DMD: variants seen among roughly 807,000 people sequenced by gnomAD.
The protein encoded by DMD is dystrophin, also known as mutant dystrophin.
In DMD, 63 loss-of-function variants were observed where a neutral mutation model predicts 330.1. That is an observed-to-expected ratio of 0.19 (90% confidence interval 0.16 to 0.24). The LOEUF (loss-of-function observed/expected upper bound fraction) is 0.24. Among genes scored for constraint, DMD ranks in the 10% least tolerant of loss-of-function variants. DMD has a pLI of 1.00. For synonymous variants in DMD, 1,223 were observed against 959.8 expected, an observed-to-expected ratio of 1.27 and a Z score of -5.07; for missense variants, 3,344 against 2,684.1, an observed-to-expected ratio of 1.25 and a Z score of -5.43.
chrX:31,848,098 A>G (rs189618904), intron 48 of DMD, among the ~76,000 whole-genome samples: 27 of 111,785 alleles, frequency 2.4e-4, no homozygotes, highest in Non-Finnish European at 4.5e-4. Context: ...TCTTTCCAAA[A>G]TTGACGTTTC....
rs749478308 is a variant in DMD, at chrX:33,265,630, T to C, written c.7+73629A>G. Among the ~76,000 whole-genome samples the C allele has an allele frequency of 9.0e-5, 10 of 111,248 alleles. No individual in the cohort carries two copies. In the East Asian group the frequency reaches 2.8e-3, roughly 31 times the overall value. ...CATTCTATGATTCAGTCTTGGCCCA[T>C]GTAAATCTGTGATAGAAAATAAGCT... is the stretch of plus-strand genomic sequence containing the variant. On this transcript the variant is annotated intron_variant, in intron 1 of 17. Transcript: ENST00000288447.
At chrX:32,263,591 G>A (rs1204784616) in intron 43 of DMD, among the ~76,000 whole-genome samples, 1 of 111,933 alleles carries the variant, frequency 8.9e-6, no homozygotes, top group Non-Finnish European at 1.9e-5. Context: ...TTCAATAAAC[G>A]AAATAGCCGT....
At chrX:32,032,065 G>T (rs1207783368) in intron 44 of DMD, among the ~76,000 whole-genome samples, 2 of 111,092 alleles carry the variant, frequency 1.8e-5, no homozygotes, top group African/African-American at 6.5e-5. Flanking sequence ...CATATTTTTG[G>T]GGGGGATTAT....
intron 59 of DMD, among the ~76,000 whole-genome samples, chrX:31,470,093 A>T (rs1228689836): frequency 2.7e-5 from 3 of 110,467 alleles, no homozygotes; most frequent in Non-Finnish European, 5.7e-5. Context: ...TAAGGTTCTT[A>T]GCTTCCTTGC....
intron 15 of DMD, among the ~76,000 whole-genome samples, chrX:32,568,332 ACCT>A (rs1284473390): frequency 1.8e-5 from 2 of 110,649 alleles, no homozygotes; most frequent in Admixed American, 1.9e-4. Context: ...ACATAGTGAA[ACCT>A]CGTCTGTACT....
intron 67 of DMD, among the ~76,000 whole-genome samples, chrX:31,198,896 T>C (rs2043167655): frequency 1.8e-5 from 2 of 112,210 alleles, no homozygotes; most frequent in Admixed American, 9.4e-5. Context: ...TGTGTGCATG[T>C]ATGTGTTTTG....
chrX:32,645,206 C>A, intron 9 of DMD, 54 bp from the exon 10 acceptor site: 1 of 1,132,650 alleles, frequency 8.8e-7, no homozygotes, highest in Non-Finnish European at 1.2e-6. Context: ...GCAGATTGTT[C>A]CAGTACATTA....
intron 62 of DMD, chrX:31,266,696 C>G (rs1017690552): frequency 1.2e-6 from 1 of 802,365 alleles, no homozygotes; most frequent in Middle Eastern, 2.9e-4. Context: ...CCCGGCGCCC[C>G]GGGTCCAGCC....
Position 32,412,139 on chromosome X carries a change from A to G in DMD, c.4072-226T>C. ...TATAGGATCAGGGATCTCTGCATGA[A>G]AATCAATCACAATATCACGTACATT... On this transcript the variant is annotated intron_variant, in intron 29 of 78. Coordinates refer to ENST00000357033, the MANE Select transcript of DMD (RefSeq NM_004006.3). The G allele has an allele frequency of 4.4e-6, 5 of 1,149,086 alleles. No individual in the cohort carries two copies. In the South Asian group the frequency reaches 5.6e-5, roughly 13 times the overall value. The allele number at this position is 1,149,086 out of a possible 1,213,427, so 94.7% of individuals were successfully genotyped here.
chrX:32,470,544 T>C (rs553634865), intron 22 of DMD, among the ~76,000 whole-genome samples: 1 of 111,513 alleles, frequency 9.0e-6, no homozygotes, highest in African/African-American at 3.2e-5. Context: ...TAGTCTCTTC[T>C]GCTCATCTAA....
intron 52 of DMD, among the ~76,000 whole-genome samples, chrX:31,721,718 C>CTCTCTATA (rs1227959078): frequency 5.5e-4 from 31 of 56,471 alleles, no homozygotes; most frequent in African/African-American, 7.8e-4. Flanking sequence ...CTCTCTCTCT[C>CTCTCTATA]TATATATATA....
intron 44 of DMD, among the ~76,000 whole-genome samples, chrX:32,152,279 C>T (rs1157029680): frequency 1.8e-5 from 2 of 110,949 alleles, no homozygotes; most frequent in Non-Finnish European, 3.8e-5. Context: ...GGGGGGTGGG[C>T]GTTGAGTAAA....
intron 48 of DMD, among the ~76,000 whole-genome samples, chrX:31,866,920 G>A (rs1301143541): frequency 3.6e-5 from 4 of 111,207 alleles, no homozygotes; most frequent in East Asian, 2.8e-4. Context: ...TGGCTAAAAC[G>A]GAATGGATTT....
intron 54 of DMD, among the ~76,000 whole-genome samples, chrX:31,638,367 C>G (rs2079536309): frequency 9.0e-6 from 1 of 111,628 alleles, no homozygotes; most frequent in Non-Finnish European, 1.9e-5. Flanking sequence ...CTCTGTAGTT[C>G]TACTCATGTT....
intron 12 of DMD, among the ~76,000 whole-genome samples, chrX:32,596,344 T>C (rs1471297632): frequency 9.1e-6 from 1 of 109,519 alleles, no homozygotes; most frequent in Non-Finnish European, 1.9e-5. Flanking sequence ...TGTGCCTACA[T>C]ATTTATCCTA....
chrX:32,421,769 T>C (rs1020983806), intron 29 of DMD, among the ~76,000 whole-genome samples: 2 of 111,739 alleles, frequency 1.8e-5, no homozygotes, highest in Non-Finnish European at 3.8e-5. Context: ...ATAAACAGGT[T>C]TCCGGTGTGA....
intron 15 of DMD, among the ~76,000 whole-genome samples, chrX:32,570,177 A>AAGAG (rs1295067854): frequency 9.0e-6 from 1 of 111,618 alleles, no homozygotes; most frequent in Non-Finnish European, 1.9e-5. Flanking sequence ...TTGTAAAGAG[A>AAGAG]AGAGAGTTTA....
At position 31,873,363 on chromosome X, in the gene DMD, G is replaced by T. The variant is rs953547187; in HGVS notation, c.7098+1825C>A. Among the ~76,000 whole-genome samples, 166 of 111,522 alleles carry T rather than the reference G, an allele frequency of 1.5e-3. 1 individual carries two copies. The highest frequency in any genetic ancestry group is 5.2e-3 in the African/African-American group (159 of 30,689). ...TTTGCTAATCTAACTCATTTTAGTTGTAGCAAACTTCCCTCTATCTCCTTG... is the reference window on the plus strand; with the variant it reads ...TTTGCTAATCTAACTCATTTTAGTTTTAGCAAACTTCCCTCTATCTCCTTG... On this transcript the variant is annotated intron_variant, in intron 48 of 78. Transcript: ENST00000357033.
intron 1 of DMD, among the ~76,000 whole-genome samples, chrX:33,102,949 A>G (rs897807842): frequency 8.9e-6 from 1 of 111,851 alleles, no homozygotes; most frequent in Admixed American, 9.5e-5. Context: ...ATATAAGCGA[A>G]TTAAAGTATG....
Sources: allele counts gnomAD v4.1 joint callset (sites outside exome capture counted in the v4.1 genomes callset), GRCh38; gene constraint gnomAD v4.1.1; transcripts MANE v1.5; gene names NCBI Gene and HGNC (gene_info 2026-07-23, HGNC 2026-07-21).